EAF2: variants seen among roughly 807,000 people sequenced by gnomAD.
EAF2 encodes ELL-associated factor 2.
In EAF2, 29 loss-of-function variants were observed where a neutral mutation model predicts 29.4. That is an observed-to-expected ratio of 0.99 (90% CI 0.73 to 1.35). The LOEUF (loss-of-function observed/expected upper bound fraction) is 1.35. EAF2 is among the 40% of genes most tolerant of loss of function. The pLI is 0.00. For synonymous variants in EAF2, 103 were observed against 102.5 expected, an observed-to-expected ratio of 1.00 and a Z score of -0.03; for missense variants, 292 against 312.0, an observed-to-expected ratio of 0.94 and a Z score of 0.48.
rs113863872 is a variant in EAF2, at chr3:121,836,934, A to G, written c.106+1543A>G. On this transcript the variant is annotated intron_variant, in intron 1 of 5. Transcript: ENST00000273668. ...AAATCCCAATTTAAATGAATAAAAA[A>G]TTGCCTTTGAAAATAATCTTGCAGG... 1.9e-3 allele frequency: 730 copies of G among 385,410 alleles called. 4 individuals are homozygous for G. The highest frequency in any genetic ancestry group is 2.3e-3 in the Non-Finnish European group (640 of 281,420). 23.9% of individuals were successfully genotyped at this position (385,410 alleles called of 1,614,324 possible).
chr3:121,866,843 C>T (rs534853500), intron 4 of EAF2, among the ~76,000 whole-genome samples: 2 of 152,042 alleles, frequency 1.3e-5, no homozygotes, highest in Non-Finnish European at 2.9e-5. Flanking sequence ...GACACCAACA[C>T]GAGGATGAAT....
intron 4 of EAF2, among the ~76,000 whole-genome samples, chr3:121,860,772 ATTTTAGATCT>A (rs1349811637): frequency 6.6e-6 from 1 of 151,896 alleles, no homozygotes; most frequent in Non-Finnish European, 1.5e-5. Context: ...TACGGTGTCG[ATTTTAGATCT>A]TTCCTGCTTT....
At chr3:121,859,747 G>A (rs1207327952) in intron 4 of EAF2, among the ~76,000 whole-genome samples, 3 of 152,124 alleles carry the variant, frequency 2.0e-5, no homozygotes, top group Admixed American at 6.5e-5. Flanking sequence ...CCTGTCTTGT[G>A]CCAGTTTTCA....
intron 5 of EAF2, among the ~76,000 whole-genome samples, chr3:121,874,460 T>A (rs926014231): frequency 2.6e-5 from 4 of 151,692 alleles, no homozygotes; most frequent in African/African-American, 4.8e-5. Flanking sequence ...CTAGAAAAAA[T>A]TTTCCAGTAA....
At chr3:121,850,599 T>G (rs979928810) in intron 2 of EAF2, among the ~76,000 whole-genome samples, 7 of 152,186 alleles carry the variant, frequency 4.6e-5, no homozygotes, top group African/African-American at 1.7e-4. Context: ...GCACCTAAGT[T>G]TTTGCCAAGA....
At chr3:121,870,480 G>A (rs895717930) in intron 4 of EAF2, among the ~76,000 whole-genome samples, 4 of 152,022 alleles carry the variant, frequency 2.6e-5, no homozygotes, top group African/African-American at 9.7e-5. Context: ...CTAAGCAATG[G>A]GGGTTGGAGA....
chr3:121,885,725 A>G (rs1415220975), intron 5 of EAF2, among the ~76,000 whole-genome samples: 4 of 151,962 alleles, frequency 2.6e-5, no homozygotes, highest in Admixed American at 1.3e-4. Flanking sequence ...TTCAAATGTC[A>G]CCCCTCAAAA....
chr3:121,874,745 G>C (rs531127717), intron 5 of EAF2, among the ~76,000 whole-genome samples: 1 of 151,990 alleles, frequency 6.6e-6, no homozygotes, highest in East Asian at 1.9e-4. Context: ...AACCCCTTCT[G>C]TGCCAAACAA....
At chr3:121,867,146 A>G (rs559430328) in intron 4 of EAF2, among the ~76,000 whole-genome samples, 1 of 152,362 alleles carries the variant, frequency 6.6e-6, no homozygotes, top group Non-Finnish European at 1.5e-5. Context: ...CATGTCCCCA[A>G]GAATCTGTGG....
intron 4 of EAF2, among the ~76,000 whole-genome samples, chr3:121,866,779 G>A (rs777983628): frequency 2.0e-4 from 31 of 151,910 alleles, no homozygotes; most frequent in African/African-American, 2.9e-4. Flanking sequence ...ATTACCTGTC[G>A]TACCGTAATT....
At chr3:121,866,589 G>A (rs1393408315) in intron 4 of EAF2, among the ~76,000 whole-genome samples, 1 of 152,054 alleles carries the variant, frequency 6.6e-6, no homozygotes. Flanking sequence ...GCTGGGTGTG[G>A]TGGCACGCAC....
At chr3:121,851,052 T>C (rs72959293) in intron 2 of EAF2, among the ~76,000 whole-genome samples, 22,353 of 152,222 alleles carry the variant, frequency 0.15, 2,045 homozygotes, top group African/African-American at 0.26. Context: ...GCCAGATTTC[T>C]TTTATCACTT....
chr3:121,857,581 AT>A (rs1414907548), intron 4 of EAF2, among the ~76,000 whole-genome samples: 1 of 151,996 alleles, frequency 6.6e-6, no homozygotes. Context: ...AGAGCATAAT[AT>A]TTTTTGTAAT....
At chr3:121,847,505 T>C (rs1471592894) in intron 2 of EAF2, among the ~76,000 whole-genome samples, 1 of 152,166 alleles carries the variant, frequency 6.6e-6, no homozygotes, top group Non-Finnish European at 1.5e-5. Context: ...GGCATATATA[T>C]AGGCTAGGTC....
chr3:121,857,292 C>A, intron 4 of EAF2, 136 bp downstream of exon 4: 1 of 626,184 alleles, frequency 1.6e-6, no homozygotes, highest in East Asian at 3.1e-5. Flanking sequence ...AGTAGTTCAA[C>A]ACCAGCCTGG....
intron 5 of EAF2, among the ~76,000 whole-genome samples, chr3:121,877,922 C>A (rs1246290768): frequency 6.6e-6 from 1 of 152,074 alleles, no homozygotes; most frequent in African/African-American, 2.4e-5. Context: ...CCTAGTACTG[C>A]AGGCATATGC....
At chr3:121,884,340 CAAAAAAAA>C (rs1192870196) in intron 5 of EAF2, among the ~76,000 whole-genome samples, 1 of 84,156 alleles carries the variant, frequency 1.2e-5, no homozygotes, top group Non-Finnish European at 2.4e-5. Context: ...AACTCCATCT[CAAAAAAAA>C]AAAAAAAAAG....
chr3:121,864,072 TA>T (rs1374597839), intron 4 of EAF2, among the ~76,000 whole-genome samples: 2 of 152,190 alleles, frequency 1.3e-5, no homozygotes, highest in Non-Finnish European at 2.9e-5. Flanking sequence ...AATTGCTGCT[TA>T]CTTCTCAGAA....
At chr3:121,847,349 T>C (rs115736377) in intron 2 of EAF2, among the ~76,000 whole-genome samples, 1,865 of 152,242 alleles carry the variant, frequency 0.012, 44 homozygotes, top group African/African-American at 0.042. Flanking sequence ...TGAGTTAAAG[T>C]TACCCAGATA....
Sources: allele counts gnomAD v4.1 joint callset (sites outside exome capture counted in the v4.1 genomes callset), GRCh38; gene constraint gnomAD v4.1.1; transcripts MANE v1.5; gene names NCBI Gene and HGNC (gene_info 2026-07-23, HGNC 2026-07-21).